CREB5: variants seen among roughly 807,000 people sequenced by gnomAD.
The protein encoded by CREB5 is cyclic AMP-responsive element-binding protein 5.
CREB5 carries 19 observed loss-of-function variants against 57.1 expected under a neutral mutation model. The observed-to-expected ratio is 0.33, with a 90% CI of 0.23 to 0.49. CREB5 has a LOEUF of 0.49. Among genes scored for constraint, CREB5 ranks in the 20% least tolerant of loss-of-function variants. The pLI is 0.99. For missense variants in CREB5, 579 were observed against 671.6 expected (o/e 0.86, Z 1.52); for synonymous variants, 238 against 238.3 (o/e 1.00, Z 0.01).
chr7:28,556,911 C>T (rs926693140), intron 4 of CREB5, among the ~76,000 whole-genome samples: 4 of 152,186 alleles, frequency 2.6e-5, no homozygotes, highest in Non-Finnish European at 5.9e-5. Flanking sequence ...GCTCTGGCCA[C>T]GTGCCCTCTC....
intron 4 of CREB5, among the ~76,000 whole-genome samples, chr7:28,559,590 C>T (rs914148321): frequency 2.0e-5 from 3 of 152,210 alleles, no homozygotes; most frequent in African/African-American, 7.2e-5. Flanking sequence ...GCTGGGATTA[C>T]AGGCGTGAGC....
At chr7:28,582,207 C>T (rs1057218442) in intron 5 of CREB5, among the ~76,000 whole-genome samples, 17 of 152,116 alleles carry the variant, frequency 1.1e-4, no homozygotes, top group Non-Finnish European at 7.3e-5. Flanking sequence ...TAAAGCCTGT[C>T]CTTAGGTAAA....
chr7:28,494,765 T>G, intron 2 of CREB5, 141 bp from the exon 3 acceptor site: 1 of 597,860 alleles, frequency 1.7e-6, no homozygotes, highest in Non-Finnish European at 2.9e-6. Context: ...CTTTCACACT[T>G]TTTCGAAATG....
chr7:28,639,446 T>C (rs1049353796), intron 5 of CREB5, among the ~76,000 whole-genome samples: 1 of 152,228 alleles, frequency 6.6e-6, no homozygotes, highest in Admixed American at 6.5e-5. Context: ...GTATTTATTA[T>C]ATTCTGCCTT....
chr7:28,778,182 TGTA>T (rs1398570649), intron 7 of CREB5, among the ~76,000 whole-genome samples: 1 of 152,244 alleles, frequency 6.6e-6, no homozygotes, highest in Non-Finnish European at 1.5e-5. Context: ...ACTAAGAACT[TGTA>T]GTAACTTGAG....
intron 5 of CREB5, 142 bp from the exon 6 acceptor site, chr7:28,718,611 A>G: frequency 8.9e-7 from 1 of 1,127,414 alleles, no homozygotes; most frequent in Non-Finnish European, 1.2e-6. Context: ...TTATTTCCCT[A>G]ATATCCTCAA....
At chr7:28,796,922 T>G (rs2299119) in intron 7 of CREB5, among the ~76,000 whole-genome samples, 1 of 151,974 alleles carries the variant, frequency 6.6e-6, no homozygotes, top group African/African-American at 2.4e-5. Context: ...AAATGCACAG[T>G]CTCTTAAAAT....
At chr7:28,363,640 A>G (rs1786531787) in intron 1 of CREB5, among the ~76,000 whole-genome samples, 1 of 151,754 alleles carries the variant, frequency 6.6e-6, no homozygotes, top group Non-Finnish European at 1.5e-5. Flanking sequence ...ACTACATCAT[A>G]CTCATTTTTG....
intron 7 of CREB5, among the ~76,000 whole-genome samples, chr7:28,729,900 A>G (rs906288700): frequency 1.3e-5 from 2 of 152,220 alleles, no homozygotes; most frequent in African/African-American, 4.8e-5. Flanking sequence ...CACGTTTCTC[A>G]GAATGCTCCT....
rs150592374 is a variant in CREB5 at position 28,503,766 on chromosome 7, G to A, written c.170-3850G>A. ...TACACACATGAACAAAGGAGGTTGC[G>A]GGAGGATGGCATAGGCATGGGATTG... On this transcript the variant is annotated intron_variant, in intron 3 of 10. Transcript: ENST00000357727. Among the ~76,000 whole-genome samples the A allele has an allele frequency of 2.2e-3, 330 of 152,264 alleles. 2 individuals carry two copies. Among genetic ancestry groups the A allele is most frequent in the African/African-American group, 7.4e-3 (306 of 41,546 alleles).
At chr7:28,783,992 C>T (rs1301450833) in intron 7 of CREB5, among the ~76,000 whole-genome samples, 2 of 152,208 alleles carry the variant, frequency 1.3e-5, no homozygotes, top group Admixed American at 6.5e-5. Flanking sequence ...AAAGCAAAAG[C>T]AACCACCAAA....
intron 1 of CREB5, among the ~76,000 whole-genome samples, chr7:28,357,234 T>G (rs1431245636): frequency 2.0e-5 from 3 of 152,226 alleles, no homozygotes; most frequent in African/African-American, 7.2e-5. Context: ...CAGCACATCT[T>G]TCTTCAGCAT....
At chr7:28,660,385 T>TG (rs1180431852) in intron 5 of CREB5, among the ~76,000 whole-genome samples, 4 of 150,310 alleles carry the variant, frequency 2.7e-5, no homozygotes, top group Admixed American at 1.3e-4. Context: ...TCAACAGTTT[T>TG]TTTTTTTTTT....
intron 4 of CREB5, among the ~76,000 whole-genome samples, chr7:28,552,976 A>G (rs1008640490): frequency 2.0e-5 from 3 of 152,230 alleles, no homozygotes; most frequent in African/African-American, 4.8e-5. Context: ...ATAGCCATTC[A>G]TATGTCTCTG....
At chr7:28,418,168 C>T (rs1788096960) in intron 1 of CREB5, among the ~76,000 whole-genome samples, 1 of 152,116 alleles carries the variant, frequency 6.6e-6, no homozygotes, top group Admixed American at 6.6e-5. Context: ...TGTGTTATTG[C>T]CTAGACCAGA....
intron 4 of CREB5, among the ~76,000 whole-genome samples, chr7:28,537,303 C>T (rs767686149): frequency 6.6e-6 from 1 of 151,972 alleles, no homozygotes; most frequent in Non-Finnish European, 1.5e-5. Context: ...CCATTTTTTC[C>T]CCAATAAATG....
At chr7:28,343,309 T>C (rs898858460) in intron 1 of CREB5, among the ~76,000 whole-genome samples, 2 of 152,198 alleles carry the variant, frequency 1.3e-5, no homozygotes, top group African/African-American at 4.8e-5. Context: ...AACTTATTAA[T>C]CCTGTCTAAC....
intron 7 of CREB5, among the ~76,000 whole-genome samples, chr7:28,765,684 CTCT>C (rs1805927367): frequency 6.6e-6 from 1 of 152,200 alleles, no homozygotes; most frequent in Non-Finnish European, 1.5e-5. Flanking sequence ...GAGAAGAAAT[CTCT>C]TCTTTGCCTG....
At chr7:28,720,329 T>G (rs1167634076) in intron 6 of CREB5, among the ~76,000 whole-genome samples, 1 of 152,238 alleles carries the variant, frequency 6.6e-6, no homozygotes, top group East Asian at 1.9e-4. Context: ...CCATTGTTAT[T>G]TCATTTTATT....
Sources: gnomAD v4.1 joint callset for allele counts (sites outside exome capture counted in the v4.1 genomes callset) on GRCh38, gnomAD v4.1.1 for gene constraint, MANE v1.5 for transcripts, NCBI Gene and HGNC (gene_info 2026-07-23, HGNC 2026-07-21) for gene names.